NBPF15: variants seen among roughly 807,000 people sequenced by gnomAD.
NBPF15 encodes the protein NBPF member 15, also known as NBPF family member NBPF15.
In NBPF15, 74 loss-of-function variants were observed where a neutral mutation model predicts 62.2. The ratio of observed to expected loss-of-function variants is 1.19; its 90% CI spans 0.99 to 1.44. The LOEUF is 1.44. NBPF15 is among the 40% of genes most tolerant of loss of function. NBPF15 has a pLI of 0.00. For missense variants in NBPF15, 790 were observed against 550.0 expected (o/e 1.44, Z -4.36); for synonymous variants, 244 against 209.7 (o/e 1.16, Z -1.41).
chr1:144,435,219 G>T lies in NBPF15; in HGVS notation c.664C>A (p.Gln222Lys), dbSNP rs1303975440. ...GTGATTTTGGTTTTCTTATGTGGCT[G>T]GTTGGAGTCATAAGGGCCATGGCTA... Reference protein sequence around the residue: ...SNSHGPYDSNQPHKKTKITFE... With the variant: ...SNSHGPYDSNKPHKKTKITFE... Residue 222 changes from glutamine (Q) to lysine (K), a missense_variant, in exon 12 of 22, where the codon CAG becomes AAG. Gln to Lys is a moderately conservative substitution (Grantham distance 53). Coordinates refer to ENST00000581897, the MANE Select transcript of NBPF15 (RefSeq NM_001385408.1). 8.1e-6 allele frequency: 13 copies of T among 1,612,908 alleles called. No homozygotes were observed. Among genetic ancestry groups the T allele is most frequent in the Non-Finnish European group, 1.1e-5 (13 of 1,179,688 alleles).
intron 10 of NBPF15, among the ~76,000 whole-genome samples, 180 bp from the exon 11 acceptor site, chr1:144,436,033 T>C (rs1448196684): frequency 6.6e-6 from 1 of 150,586 alleles, no homozygotes; most frequent in African/African-American, 2.4e-5. Context: ...AGGCAATGCA[T>C]TTCTGATCTG....
intron 4 of NBPF15, among the ~76,000 whole-genome samples, chr1:144,455,561 C>A (rs1553546711): frequency 6.6e-6 from 1 of 151,910 alleles, no homozygotes; most frequent in African/African-American, 2.4e-5. Flanking sequence ...ACAGTGGATC[C>A]CAGAACACCA....
intron 6 of NBPF15, among the ~76,000 whole-genome samples, chr1:144,440,855 G>C (rs1682405404): frequency 6.6e-6 from 1 of 150,684 alleles, no homozygotes; most frequent in African/African-American, 2.4e-5. Flanking sequence ...ATTTTTAGTA[G>C]AGACGGGGTT....
rs147246913 is a variant in NBPF15, at chr1:144,423,145, G to C, written c.1881C>G (p.His627Gln). ...CAAATGAGTAAAACACACTTCTGTAGTGCTGGAATGAGTCAGGTTGTTCAA... is the reference window on the plus strand; with the variant it reads ...CAAATGAGTAAAACACACTTCTGTACTGCTGGAATGAGTCAGGTTGTTCAA... Reference protein sequence around the residue: ...MYFEQPDSFQHYRSVFYSFEE... With the variant: ...MYFEQPDSFQQYRSVFYSFEE... The change falls in exon 22 of 22, where the codon CAC (histidine) becomes CAG (glutamine). Residue 627 changes from histidine to glutamine, a missense_variant. Transcript: ENST00000581897. 9.8e-3 allele frequency: 15,839 copies of C among 1,611,618 alleles called. 237 individuals are homozygous for C. Among genetic ancestry groups the C allele is most frequent in the Non-Finnish European group, 0.012 (13,652 of 1,179,612 alleles).
At chr1:144,437,794 T>C (rs1553541599) in intron 9 of NBPF15, 151 bp downstream of exon 9, 1 of 722,964 alleles carries the variant, frequency 1.4e-6, no homozygotes, top group Admixed American at 2.4e-5. Flanking sequence ...CCTTCTTCTC[T>C]GTTTGATAAA....
chr1:144,447,521 C>G (rs587637515), intron 6 of NBPF15, among the ~76,000 whole-genome samples: 1 of 151,810 alleles, frequency 6.6e-6, no homozygotes, highest in Non-Finnish European at 1.5e-5. Flanking sequence ...AGTGTGCACA[C>G]AGGGGAGCCA....
At chr1:144,431,486 T>TAC (rs1674258141) in intron 13 of NBPF15, among the ~76,000 whole-genome samples, 1 of 151,490 alleles carries the variant, frequency 6.6e-6, no homozygotes, top group Non-Finnish European at 1.5e-5. Flanking sequence ...TATATATATA[T>TAC]ATATACAGAT....
At chr1:144,445,225 C>A (rs79084043) in intron 6 of NBPF15, among the ~76,000 whole-genome samples, 1 of 144,964 alleles carries the variant, frequency 6.9e-6, no homozygotes, top group South Asian at 2.2e-4. Flanking sequence ...TCTTATCAGA[C>A]TGCAATATGT....
intron 6 of NBPF15, among the ~76,000 whole-genome samples, chr1:144,445,313 G>A: frequency 8.9e-6 from 1 of 112,190 alleles, no homozygotes; most frequent in Non-Finnish European, 1.8e-5. Context: ...ATTTGGAGAT[G>A]ATAATCTTCA....
intron 13 of NBPF15, among the ~76,000 whole-genome samples, chr1:144,430,960 G>T (rs1673777027): frequency 6.6e-6 from 1 of 152,008 alleles, no homozygotes; most frequent in African/African-American, 2.4e-5. Context: ...TCGATCAAGT[G>T]CAAGAAATGG....
In NBPF15 at chr1:144,437,852, G is replaced by A. The variant is rs587598867; in HGVS notation, c.278+93C>T. ...CATGGCAATTCCTGCCCTTCCCCTG[G>A]CCCAGCTTAGCTCTTACATCTCCCC... On this transcript the variant is annotated intron_variant, in intron 9 of 21. Transcript: ENST00000581897. 173 of 1,593,512 alleles carry A rather than the reference G, an allele frequency of 1.1e-4. No homozygotes were observed. The South Asian group carries it at 1.8e-3, about 16-fold the overall frequency.
At chr1:144,444,967 C>T (rs1449433190) in intron 6 of NBPF15, among the ~76,000 whole-genome samples, 1 of 151,712 alleles carries the variant, frequency 6.6e-6, no homozygotes, top group African/African-American at 2.4e-5. Flanking sequence ...AGGAGCCATA[C>T]CATTTTTCAT....
rs1327675859 is a variant in NBPF15 at position 144,422,704 on chromosome 1, G to A, written c.*309C>T. 3 of 540,224 alleles carry A rather than the reference G, an allele frequency of 5.6e-6. No individual in the cohort carries two copies. Among genetic ancestry groups the A allele is most frequent in the Non-Finnish European group, 6.5e-6 (2 of 307,088 alleles). The allele number at this position is 540,224 out of a possible 1,614,324, so 33.5% of individuals were successfully genotyped here. Reference sequence around the variant, plus strand: ...AGCAGGTATAGAAGCTCAGAGACATGCCTGCAAAATGAAATCCCTGAGGAA... The same window carrying A: ...AGCAGGTATAGAAGCTCAGAGACATACCTGCAAAATGAAATCCCTGAGGAA... On this transcript the variant is annotated 3_prime_UTR_variant, in exon 22 of 22. Coordinates refer to ENST00000581897, the MANE Select transcript of NBPF15 (RefSeq NM_001385408.1).
intron 7 of NBPF15, 38 bp downstream of exon 7, chr1:144,440,103 G>T (rs1681687529): frequency 1.1e-5 from 18 of 1,579,596 alleles, no homozygotes. Context: ...GGTTTAATCA[G>T]GACTGAGGGA....
intron 8 of NBPF15, among the ~76,000 whole-genome samples, chr1:144,438,626 G>A (rs1157298772): frequency 1.3e-5 from 2 of 152,020 alleles, no homozygotes; most frequent in Admixed American, 6.6e-5. Context: ...TAAAGTTTGT[G>A]TTAATTTAGA....
intron 15 of NBPF15, among the ~76,000 whole-genome samples, 188 bp from the exon 16 acceptor site, chr1:144,428,178 G>GACACACACACACAC (rs782021320): frequency 1.8e-4 from 24 of 132,524 alleles, no homozygotes; most frequent in African/African-American, 6.9e-4. Flanking sequence ...GAAAGAGAAA[G>GACACACACACACAC]ACACACACAC....
chr1:144,447,889 A>C (rs587771778), intron 6 of NBPF15, among the ~76,000 whole-genome samples: 33 of 152,138 alleles, frequency 2.2e-4, no homozygotes, highest in African/African-American at 7.9e-4. Flanking sequence ...AGAGACTGCC[A>C]GGCTGAGGGA....
At chr1:144,423,575 G>A (rs1288641240) in intron 21 of NBPF15, among the ~76,000 whole-genome samples, 1 of 151,914 alleles carries the variant, frequency 6.6e-6, no homozygotes, top group Non-Finnish European at 1.5e-5. Context: ...ACAGCAAACT[G>A]TGATCACAAA....
At chr1:144,443,295 A>G (rs1336180124) in intron 6 of NBPF15, among the ~76,000 whole-genome samples, 3 of 152,002 alleles carry the variant, frequency 2.0e-5, no homozygotes, top group Non-Finnish European at 4.4e-5. Context: ...TTGAATCTGT[A>G]TTCTTTTACT....
Sources: gnomAD v4.1 joint callset for allele counts (sites outside exome capture counted in the v4.1 genomes callset) on GRCh38, gnomAD v4.1.1 for gene constraint, MANE v1.5 for transcripts, NCBI Gene and HGNC (gene_info 2026-07-23, HGNC 2026-07-21) for gene names.